The following STEAP2 variants were observed in gnomAD, a reference collection of about 807,000 sequenced individuals.
The protein encoded by STEAP2 is metalloreductase STEAP2.
STEAP2 carries 30 observed loss-of-function variants against 46.4 expected under a neutral mutation model. That is an observed-to-expected ratio of 0.65 (90% CI 0.48 to 0.88). The LOEUF (loss-of-function observed/expected upper bound fraction) is 0.88, where lower values mean the gene tolerates loss of function less well. STEAP2 is among the 40% of genes least tolerant of loss of function. STEAP2 has a pLI of 0.00. For missense variants in STEAP2, 513 were observed against 579.3 expected (o/e 0.89, Z 1.18); for synonymous variants, 180 against 200.5 (o/e 0.90, Z 0.86).
intron 2 of STEAP2, 141 bp downstream of exon 2, chr7:90,216,744 G>C (rs1045295089): frequency 1.3e-5 from 2 of 152,150 alleles, no homozygotes; most frequent in Non-Finnish European, 2.9e-5. Flanking sequence ...TCTTTTACTA[G>C]AGTGATTTTC....
chr7:90,225,093 T>A lies in STEAP2; in HGVS notation c.11T>A (p.Ile4Asn). ...GGAAGTGTCCGTATCATGGAATCAATCTCTATGATGGGAAGCCCTAAGAGC... is the reference window on the plus strand; with the variant it reads ...GGAAGTGTCCGTATCATGGAATCAAACTCTATGATGGGAAGCCCTAAGAGC... MES[I>N]SMMGSPKSLS... is the part of the protein sequence containing the mutation. The change falls in exon 3 of 6, where the codon ATC (isoleucine) becomes AAC (asparagine). Residue 4 changes from isoleucine to asparagine, a missense_variant. Physicochemically the swap from Ile to Asn is moderately radical, Grantham distance 149. Coordinates refer to ENST00000394621, the MANE Select transcript of STEAP2 (RefSeq NM_001244944.2). 1 of 1,613,072 alleles carries A rather than the reference T, an allele frequency of 6.2e-7. No homozygotes were observed.
Position 90,237,045 on chromosome 7 carries a change from T to A in STEAP2, c.*4421T>A. ...CTGAGTGTTGGCCAGTGAGATGAAG[T>A]CTCCTCAAAGGAAGGCAGCATGTGT... is the stretch of plus-strand genomic sequence containing the variant. On this transcript the variant is annotated 3_prime_UTR_variant, in exon 6 of 6. Transcript: ENST00000394621. 1.5e-6 allele frequency: 2 copies of A among 1,371,118 alleles called. No homozygotes were observed. Among genetic ancestry groups the A allele is most frequent in the Non-Finnish European group, 2.1e-6 (2 of 975,028 alleles). 84.9% of individuals were successfully genotyped at this position (1,371,118 alleles called of 1,614,324 possible). A position where few individuals can be genotyped will look rare whatever the true frequency, so the allele number is the denominator to read the frequency against.
rs749123728 is a variant in STEAP2 at position 90,225,581 on chromosome 7, A to T, written c.492+7A>T. ...TAAGGATGCCAGCCGGCAGGTATGT[A>T]TTTTACATTTTTATTCTTATGTATC... On this transcript the variant is annotated splice_region_variant and intron_variant, in intron 3 of 5. Transcript: ENST00000394621. 8 of 1,560,510 alleles carry T rather than the reference A, an allele frequency of 5.1e-6. No individual in the cohort carries two copies. Among genetic ancestry groups the T allele is most frequent in the Non-Finnish European group, 6.9e-6 (8 of 1,158,190 alleles).
In STEAP2 at chr7:90,232,592, C is replaced by T. The variant is rs1424689053; in HGVS notation, c.1441C>T (p.His481Tyr). ...LEEGMGGTIP[H>Y]VSPERVTVM is the part of the protein sequence containing the mutation. ...AGAAGGTATGGGAGGAACAATTCCT[C>T]ATGTCTCCCCGGAGAGGGTCACAGT... The change falls in exon 6 of 6, where the codon CAT (histidine) becomes TAT (tyrosine). Residue 481 changes from histidine to tyrosine, a missense_variant. Physicochemically the swap from His to Tyr is moderately conservative, Grantham distance 83. Coordinates refer to ENST00000394621, the MANE Select transcript of STEAP2 (RefSeq NM_001244944.2). The T allele has an allele frequency of 6.2e-7, 1 of 1,612,542 alleles. No homozygotes were observed. Among genetic ancestry groups the T allele is most frequent in the South Asian group, 1.1e-5 (1 of 90,994 alleles).
chr7:90,229,793 T>A, intron 4 of STEAP2, 79 bp from the exon 5 acceptor site: 3 of 1,538,312 alleles, frequency 2.0e-6, no homozygotes, highest in Non-Finnish European at 2.6e-6. Flanking sequence ...CAGGTTCTTC[T>A]TATGCCAAGA....
intron 5 of STEAP2, 43 bp downstream of exon 5, chr7:90,230,079 T>C (rs1012106346): frequency 1.3e-6 from 2 of 1,587,012 alleles, no homozygotes; most frequent in Non-Finnish European, 1.7e-6. Flanking sequence ...CAGGATAGGA[T>C]TTCCTTGTTA....
intron 4 of STEAP2, among the ~76,000 whole-genome samples, chr7:90,228,219 A>C (rs1421007299): frequency 6.6e-6 from 1 of 152,158 alleles, no homozygotes; most frequent in East Asian, 1.9e-4. Context: ...TTGGTGTAGC[A>C]TTTCTCCATG....
chr7:90,219,966 A>G (rs1246226703), intron 2 of STEAP2, among the ~76,000 whole-genome samples: 1 of 152,154 alleles, frequency 6.6e-6, no homozygotes, highest in African/African-American at 2.4e-5. Context: ...GCTTCAATCC[A>G]TCCTCCTGCA....
Position 90,233,995 on chromosome 7 carries a change from G to T in STEAP2, c.*1371G>T. 1 of 985,376 alleles carries T rather than the reference G, an allele frequency of 1.0e-6. No homozygotes were observed. Among genetic ancestry groups the T allele is most frequent in the Non-Finnish European group, 1.2e-6 (1 of 829,938 alleles). The allele number at this position is 985,376 out of a possible 1,614,324, so 61.0% of individuals were successfully genotyped here. ...CATGGCAGTCCATATGCCTCCCTATGCAGTGAAGGGCCCTAGCAGTGTTAA... is the reference window on the plus strand; with the variant it reads ...CATGGCAGTCCATATGCCTCCCTATTCAGTGAAGGGCCCTAGCAGTGTTAA... On this transcript the variant is annotated 3_prime_UTR_variant, in exon 6 of 6. Transcript: ENST00000394621.
chr7:90,219,167 T>A (rs889448675), intron 2 of STEAP2, among the ~76,000 whole-genome samples: 4 of 152,196 alleles, frequency 2.6e-5, no homozygotes, highest in Admixed American at 2.6e-4. Context: ...ATTTATCAGA[T>A]CTAAGAGTTT....
At chr7:90,238,378 T>C (rs17866171), downstream of STEAP2, among the ~76,000 whole-genome samples, 5,274 of 152,274 alleles carry the variant, frequency 0.035, 235 homozygotes, top group East Asian at 0.11. Context: ...TTACTTTTTA[T>C]TATAAGCATG....
chr7:90,234,863 A>G lies in STEAP2; in HGVS notation c.*2239A>G, dbSNP rs1795907911. The G allele has an allele frequency of 3.0e-6, 3 of 984,792 alleles. No individual in the cohort carries two copies. Among genetic ancestry groups the G allele is most frequent in the South Asian group, 9.4e-5 (2 of 21,268 alleles). 61.0% of individuals were successfully genotyped at this position (984,792 alleles called of 1,614,324 possible). ...TACCGCGCCCGGCCTATTATCTTGTACTTTCTAACTGAGCCCTCTATTTTC... is the reference window on the plus strand; with the variant it reads ...TACCGCGCCCGGCCTATTATCTTGTGCTTTCTAACTGAGCCCTCTATTTTC... On this transcript the variant is annotated 3_prime_UTR_variant, in exon 6 of 6. Transcript: ENST00000394621.
chr7:90,221,419 T>G lies in STEAP2; in HGVS notation c.-33-3631T>G, dbSNP rs536205997. On this transcript the variant is annotated intron_variant, in intron 2 of 5. Coordinates refer to ENST00000394621, the MANE Select transcript of STEAP2 (RefSeq NM_001244944.2). ...TATACTGTTTTTGACTCAAACTGTT[T>G]TATTTGATATAAGTATAGTGACTTT... 6.6e-5 allele frequency among the ~76,000 whole-genome samples: 10 copies of G among 152,306 alleles called. No homozygotes were observed. The South Asian group carries it at 2.1e-3, about 32-fold the overall frequency.
Position 90,229,927 on chromosome 7 carries a change from T to C in STEAP2, c.1076T>C (p.Met359Thr), listed in dbSNP as rs368179638. 13 of 1,613,378 alleles carry C rather than the reference T, an allele frequency of 8.1e-6. No individual in the cohort carries two copies. The highest frequency in any genetic ancestry group is 1.1e-5 in the Non-Finnish European group (13 of 1,179,542). Reference sequence around the variant, plus strand: ...GAGGAAGAAGTTTGGAGAATTGAAATGTATATCTCCTTTGGCATAATGAGC... The same window carrying C: ...GAGGAAGAAGTTTGGAGAATTGAAACGTATATCTCCTTTGGCATAATGAGC... ...WNEEEVWRIE[M>T]YISFGIMSLG... Residue 359 changes from methionine to threonine, a missense_variant, in exon 5 of 6, where the codon ATG becomes ACG. Met to Thr is a moderately conservative substitution (Grantham distance 81, BLOSUM62 -1). Coordinates refer to ENST00000394621, the MANE Select transcript of STEAP2 (RefSeq NM_001244944.2).
chr7:90,232,350 A>T lies in STEAP2; in HGVS notation c.1199A>T (p.Tyr400Phe). Residue 400 changes from tyrosine to phenylalanine, a missense_variant, in exon 6 of 6, where the codon TAT becomes TTT. Tyr to Phe is a conservative substitution (Grantham distance 22). Transcript: ENST00000394621. ...TCCTGGCCCAAGTCTACACTTGGAT[A>T]TGTCGCTCTGCTCATAAGTACTTTC... Reference protein sequence around the residue: ...EFSFIQSTLGYVALLISTFHV... With the variant: ...EFSFIQSTLGFVALLISTFHV... 6.2e-7 allele frequency: 1 copy of T among 1,605,960 alleles called. No homozygotes were observed.
chr7:90,232,255 G>A (rs1262031050), intron 5 of STEAP2, 82 bp from the exon 6 acceptor site: 19 of 1,390,448 alleles, frequency 1.4e-5, no homozygotes, highest in African/African-American at 2.9e-5. Context: ...TATAAACATG[G>A]TGTATCTTGA....
downstream of STEAP2, among the ~76,000 whole-genome samples, chr7:90,238,889 CAG>C (rs922123984): frequency 2.6e-5 from 4 of 152,196 alleles, no homozygotes; most frequent in Non-Finnish European, 4.4e-5. Context: ...AAAAACCCCT[CAG>C]GGGCAGATTC....
Position 90,232,387 on chromosome 7 carries a change from T to G in STEAP2, c.1236T>G (p.Ile412Met), listed in dbSNP as rs1373193817. The G allele has an allele frequency of 6.2e-7, 1 of 1,613,236 alleles. No individual in the cohort carries two copies. The highest frequency in any genetic ancestry group is 8.5e-7 in the Non-Finnish European group (1 of 1,179,542). Residue 412 changes from isoleucine (I) to methionine (M), a missense_variant, in exon 6 of 6, where the codon ATT (isoleucine) becomes ATG (methionine). Coordinates refer to ENST00000394621, the MANE Select transcript of STEAP2 (RefSeq NM_001244944.2). ...TCATAAGTACTTTCCATGTTTTAAT[T>G]TATGGATGGAAACGAGCTTTTGAGG... ...ALLISTFHVL[I>M]YGWKRAFEEE...
In STEAP2 at chr7:90,235,758, G is replaced by A; in HGVS notation, c.*3134G>A. 1.3e-6 allele frequency: 1 copy of A among 792,868 alleles called. No homozygotes were observed. The highest frequency in any genetic ancestry group is 1.3e-4 in the East Asian group (1 of 7,894). 49.1% of individuals were successfully genotyped at this position (792,868 alleles called of 1,614,324 possible). A position where few individuals can be genotyped will look rare whatever the true frequency, so the allele number is the denominator to read the frequency against. ...CATATTTAAATATGAATCTATTCAT[G>A]CTAACATTATTTTTCAAAACATACA... On this transcript the variant is annotated 3_prime_UTR_variant, in exon 6 of 6. Transcript: ENST00000394621.
Sources: gnomAD v4.1 joint callset for allele counts (sites outside exome capture counted in the v4.1 genomes callset) on GRCh38, gnomAD v4.1.1 for gene constraint, MANE v1.5 for transcripts, NCBI Gene and HGNC (gene_info 2026-07-23, HGNC 2026-07-21) for gene names.